Variants in CHODL observed in about 807,000 individuals in gnomAD.
CHODL encodes the protein transmembrane protein MT75.
In CHODL, 29 loss-of-function variants were observed where a neutral mutation model predicts 34.5. That is an observed-to-expected ratio of 0.84 (90% CI 0.63 to 1.15). The LOEUF (loss-of-function observed/expected upper bound fraction) is 1.15. Ranked by LOEUF, CHODL falls within the 50% of genes most tolerant of loss-of-function variation. The pLI, the probability that CHODL is intolerant of heterozygous loss-of-function variation, is 0.00. For missense variants in CHODL, 332 were observed against 332.5 expected (o/e 1.00, Z 0.01); for synonymous variants, 125 against 116.1 (o/e 1.08, Z -0.49).
chr21:18,203,295 TAGAGGGCTAATATATAACTTTTAAAATC>T (rs1364886034), intron 2 of CHODL, among the ~76,000 whole-genome samples: 1 of 152,136 alleles, frequency 6.6e-6, no homozygotes, highest in Non-Finnish European at 1.5e-5. Flanking sequence ...GATGTCAGCT[TAGAGGGCTAATATATAACTTTTAAAATC>T]AAGTTTTGAA....
At chr21:17,953,046 C>T (rs982306007) in intron 1 of CHODL, among the ~76,000 whole-genome samples, 1 of 152,062 alleles carries the variant, frequency 6.6e-6, no homozygotes, top group African/African-American at 2.4e-5. Context: ...CCTCCCTTGA[C>T]ACATGGGGAT....
intron 2 of CHODL, among the ~76,000 whole-genome samples, chr21:18,142,241 G>A (rs997155426): frequency 6.6e-6 from 1 of 151,860 alleles, no homozygotes; most frequent in Non-Finnish European, 1.5e-5. Context: ...CAACACTTGA[G>A]GGACTCAGCT....
At chr21:17,995,192 C>G (rs150061875) in intron 1 of CHODL, among the ~76,000 whole-genome samples, 1 of 152,190 alleles carries the variant, frequency 6.6e-6, no homozygotes, top group African/African-American at 2.4e-5. Flanking sequence ...GGGGACTGGG[C>G]TCTCAAAATG....
At chr21:17,939,781 C>T (rs551413980) in intron 1 of CHODL, among the ~76,000 whole-genome samples, 1 of 152,164 alleles carries the variant, frequency 6.6e-6, no homozygotes, top group East Asian at 1.9e-4. Flanking sequence ...CTTTCTTTAC[C>T]CTATGAGCTT....
chr21:18,264,454 T>C (rs1052784495), intron 5 of CHODL, among the ~76,000 whole-genome samples: 8 of 151,648 alleles, frequency 5.3e-5, no homozygotes, highest in African/African-American at 1.7e-4. Flanking sequence ...ATACAAAAAA[T>C]AGCCAGGCGT....
chr21:18,260,835 CAACAACAACAACAAA>C (rs1429573947), intron 4 of CHODL, among the ~76,000 whole-genome samples: 1 of 144,032 alleles, frequency 6.9e-6, no homozygotes, highest in African/African-American at 2.8e-5. Context: ...ACAACAACAA[CAACAACAACAACAAA>C]AAAACACCAC....
intron 2 of CHODL, among the ~76,000 whole-genome samples, chr21:18,239,398 T>A (rs1054471706): frequency 6.6e-6 from 1 of 152,066 alleles, no homozygotes; most frequent in Non-Finnish European, 1.5e-5. Context: ...CAGATGTACC[T>A]CCAGAAGGAT....
intron 2 of CHODL, among the ~76,000 whole-genome samples, chr21:18,101,236 T>C (rs2065209678): frequency 6.6e-6 from 1 of 152,194 alleles, no homozygotes; most frequent in African/African-American, 2.4e-5. Context: ...AGACGTGACT[T>C]GCTCCTCTTT....
intron 1 of CHODL, among the ~76,000 whole-genome samples, chr21:17,957,749 A>G (rs1448048681): frequency 6.6e-6 from 1 of 151,502 alleles, no homozygotes; most frequent in Non-Finnish European, 1.5e-5. Flanking sequence ...AAAAATAATA[A>G]AAATAATCTC....
intron 2 of CHODL, among the ~76,000 whole-genome samples, chr21:18,209,944 G>T (rs1403660818): frequency 2.0e-5 from 3 of 152,124 alleles, no homozygotes; most frequent in Non-Finnish European, 4.4e-5. Flanking sequence ...TCAAGTGGAA[G>T]ATAGAATTTT....
Position 18,107,538 on chromosome 21 carries a change from T to A in CHODL, c.-45+79567T>A, listed in dbSNP as rs1224280204. 2.6e-5 allele frequency among the ~76,000 whole-genome samples: 4 copies of A among 152,222 alleles called. No homozygotes were observed. The South Asian group carries it at 6.2e-4, about 24-fold the overall frequency. ...CGCATCTGTCCATTTTGCTATAGTG[T>A]CGTCCTACCTATGACTTACATCTTT... On this transcript the variant is annotated intron_variant, in intron 2 of 6. Transcript: ENST00000400127.
intron 2 of CHODL, among the ~76,000 whole-genome samples, chr21:18,087,665 C>T (rs1415963974): frequency 6.6e-6 from 1 of 152,048 alleles, no homozygotes; most frequent in Non-Finnish European, 1.5e-5. Context: ...AAAATGACAC[C>T]TCGAGGGGCA....
At chr21:18,039,414 G>A (rs2064349072) in intron 2 of CHODL, among the ~76,000 whole-genome samples, 1 of 151,640 alleles carries the variant, frequency 6.6e-6, no homozygotes, top group Non-Finnish European at 1.5e-5. Flanking sequence ...TCTAAATCTT[G>A]TATGAAATCT....
At chr21:18,048,055 T>C (rs1041304084) in intron 2 of CHODL, among the ~76,000 whole-genome samples, 5 of 151,954 alleles carry the variant, frequency 3.3e-5, no homozygotes, top group African/African-American at 9.7e-5. Context: ...TACTATGTCC[T>C]GTGCTTGTGA....
At chr21:18,084,282 GTTAT>G (rs1296938411) in intron 2 of CHODL, among the ~76,000 whole-genome samples, 3 of 131,898 alleles carry the variant, frequency 2.3e-5, no homozygotes, top group Non-Finnish European at 5.5e-5. Flanking sequence ...AAACCTGTGA[GTTAT>G]TTGTTATTTT....
At chr21:18,043,342 C>G (rs1017063031) in intron 2 of CHODL, among the ~76,000 whole-genome samples, 1 of 151,940 alleles carries the variant, frequency 6.6e-6, no homozygotes, top group South Asian at 2.1e-4. Context: ...TAAGTGAAGT[C>G]TGTTGGGACA....
At chr21:18,121,349 G>C (rs2065476929) in intron 2 of CHODL, among the ~76,000 whole-genome samples, 1 of 152,092 alleles carries the variant, frequency 6.6e-6, no homozygotes, top group South Asian at 2.1e-4. Flanking sequence ...ATTTATGTTG[G>C]GCTGCATTCA....
At chr21:18,086,195 T>G (rs544286511) in intron 2 of CHODL, among the ~76,000 whole-genome samples, 4 of 152,056 alleles carry the variant, frequency 2.6e-5, no homozygotes, top group African/African-American at 9.6e-5. Context: ...TTTCCAGAAT[T>G]TCTGCTTTTG....
intron 1 of CHODL, among the ~76,000 whole-genome samples, chr21:17,939,468 C>G (rs1011043763): frequency 6.6e-6 from 1 of 152,126 alleles, no homozygotes; most frequent in African/African-American, 2.4e-5. Flanking sequence ...TTTTCTTTAT[C>G]CATTTCATCT....
Sources: gnomAD v4.1 joint callset for allele counts (sites outside exome capture counted in the v4.1 genomes callset) on GRCh38, gnomAD v4.1.1 for gene constraint, MANE v1.5 for transcripts, NCBI Gene and HGNC (gene_info 2026-07-23, HGNC 2026-07-21) for gene names.